Variants in ADGRG2 observed in about 807,000 individuals in gnomAD.
The protein encoded by ADGRG2 is G protein-coupled receptor 64.
ADGRG2 carries 26 observed loss-of-function variants against 74.1 expected under a neutral mutation model. That is an observed-to-expected ratio of 0.35 (90% CI 0.26 to 0.49). The LOEUF is 0.49. Ranked by LOEUF, ADGRG2 falls within the 20% of genes least tolerant of loss-of-function variation. The pLI is 0.99. For missense variants in ADGRG2, 619 were observed against 763.1 expected (o/e 0.81, Z 2.22); for synonymous variants, 296 against 295.2 (o/e 1.00, Z -0.03).
At chrX:19,105,267 T>C (rs1396256703) in intron 1 of ADGRG2, among the ~76,000 whole-genome samples, 1 of 111,973 alleles carries the variant, frequency 8.9e-6, no homozygotes, top group Non-Finnish European at 1.9e-5. Flanking sequence ...TGTCTATGTA[T>C]ATTTTTTAAA....
intron 24 of ADGRG2, 93 bp from the exon 25 acceptor site, chrX:19,000,053 G>A (rs1201597195): frequency 6.3e-6 from 3 of 472,480 alleles, no homozygotes; most frequent in Non-Finnish European, 1.1e-5. Flanking sequence ...GAGTGCAGTG[G>A]TGCGATCTCG....
At chrX:19,003,195 G>C in intron 23 of ADGRG2, 81 bp from the exon 24 acceptor site, 1 of 735,029 alleles carries the variant, frequency 1.4e-6, no homozygotes. Flanking sequence ...GATAAGGTCT[G>C]GCTCTGTCAC....
rs966637237 is a variant in ADGRG2 at position 18,996,645 on chromosome X, C to G, written c.2615-493G>C. Among the ~76,000 whole-genome samples the G allele has an allele frequency of 4.6e-5, 5 of 109,196 alleles. No individual in the cohort carries two copies. The Admixed American group carries it at 5.0e-4, about 11-fold the overall frequency. The allele number at this position is 109,196 out of a possible 115,157, so 94.8% of individuals were successfully genotyped here. A position where few individuals can be genotyped will look rare whatever the true frequency, so the allele number is the denominator to read the frequency against. Reference sequence around the variant, plus strand: ...TTGGATCTCTCTCTCCCCCTCAAACCCAGGCAGTACAGCAATGCACTCACC... The same window carrying G: ...TTGGATCTCTCTCTCCCCCTCAAACGCAGGCAGTACAGCAATGCACTCACC... On this transcript the variant is annotated intron_variant, in intron 26 of 28. Coordinates refer to ENST00000379869, the MANE Select transcript of ADGRG2 (RefSeq NM_001079858.3).
chrX:19,112,994 A>C (rs1385420977), intron 1 of ADGRG2, among the ~76,000 whole-genome samples: 2 of 107,651 alleles, frequency 1.9e-5, no homozygotes, highest in African/African-American at 6.8e-5. Context: ...AAACCAAAAA[A>C]AAAAAAAAAA....
At chrX:19,056,133 A>G (rs1233944017) in intron 3 of ADGRG2, among the ~76,000 whole-genome samples, 1 of 111,297 alleles carries the variant, frequency 9.0e-6, no homozygotes, top group Non-Finnish European at 1.9e-5. Flanking sequence ...TCTAACTACA[A>G]GGGAGGTTGG....
At chrX:19,115,735 T>C (rs1226754660) in intron 1 of ADGRG2, among the ~76,000 whole-genome samples, 1 of 110,639 alleles carries the variant, frequency 9.0e-6, no homozygotes, top group Non-Finnish European at 1.9e-5. Context: ...GGCAGGAGGA[T>C]CACTTGAGGC....
At chrX:19,019,778 A>G in intron 14 of ADGRG2, 113 bp from the exon 15 acceptor site, 1 of 473,187 alleles carries the variant, frequency 2.1e-6, no homozygotes, top group East Asian at 3.5e-5. Context: ...TAAAAGAGCA[A>G]TTGTCTAAAA....
intron 3 of ADGRG2, among the ~76,000 whole-genome samples, chrX:19,066,967 A>T (rs1172611352): frequency 8.9e-6 from 1 of 111,872 alleles, no homozygotes; most frequent in South Asian, 3.7e-4. Flanking sequence ...AAGTAGATAC[A>T]TTTAAAAACA....
chrX:19,106,913 C>T (rs867554318), intron 1 of ADGRG2, among the ~76,000 whole-genome samples: 90 of 105,990 alleles, frequency 8.5e-4, no homozygotes, highest in African/African-American at 3.2e-3. Flanking sequence ...GAGTGAGACT[C>T]TGTCTCAAAA....
chrX:19,106,518 G>A (rs2062296304), intron 1 of ADGRG2, among the ~76,000 whole-genome samples: 2 of 107,601 alleles, frequency 1.9e-5, no homozygotes, highest in Non-Finnish European at 3.8e-5. Context: ...TGTGTGTTTC[G>A]GTTTGGCGTG....
intron 14 of ADGRG2, 100 bp from the exon 15 acceptor site, chrX:19,019,765 A>G: frequency 2.0e-6 from 1 of 490,121 alleles, no homozygotes. Context: ...CCTACACTGC[A>G]TTTAAAAGAG....
chrX:19,039,969 T>C (rs780077688), intron 4 of ADGRG2, among the ~76,000 whole-genome samples: 8 of 112,218 alleles, frequency 7.1e-5, no homozygotes, highest in African/African-American at 2.6e-4. Flanking sequence ...TTTAGTCCCC[T>C]GTGATTTGTT....
At chrX:19,061,843 G>C (rs977346743) in intron 3 of ADGRG2, among the ~76,000 whole-genome samples, 1 of 111,869 alleles carries the variant, frequency 8.9e-6, no homozygotes, top group Non-Finnish European at 1.9e-5. Context: ...TGGCAGCAGG[G>C]AGAAGGGGCC....
chrX:19,026,620 C>T (rs1314524788), intron 11 of ADGRG2, among the ~76,000 whole-genome samples: 1 of 110,171 alleles, frequency 9.1e-6, no homozygotes, highest in Non-Finnish European at 1.9e-5. Context: ...CTCAGCCTCC[C>T]GAGTAGCTGG....
chrX:19,020,796 T>C (rs973819728), intron 14 of ADGRG2, among the ~76,000 whole-genome samples: 1 of 110,159 alleles, frequency 9.1e-6, no homozygotes, highest in Non-Finnish European at 1.9e-5. Flanking sequence ...ACTTCATCTC[T>C]ATTAAAAATG....
Position 18,999,231 on chromosome X carries a change from A to G in ADGRG2, c.2379T>C (p.Tyr793=). The change falls in exon 26 of 29, where the codon TAT becomes TAC. Residue 793 remains tyrosine (Y), a synonymous_variant. Transcript: ENST00000379869. ...CGTTCAGCAAAAATATCACACAGAA[A>G]TATCCCACCACCGTAATGTAGAATA... is the stretch of plus-strand genomic sequence containing the variant. The part of the protein sequence containing the change: ...NAVFYITVVG[Y]FCVIFLLNVS... The G allele has an allele frequency of 8.3e-7, 1 of 1,207,702 alleles. No homozygotes were observed.
In ADGRG2 at chrX:19,087,160, T is replaced by C. The variant is rs191292302; in HGVS notation, c.-46-4414A>G. On this transcript the variant is annotated intron_variant, in intron 1 of 28. Transcript: ENST00000379869. ...GATCAGACCCTGCCTAATAGGACCC[T>C]GACCTTCACAGACTGGTTTGTTCAG... is the stretch of plus-strand genomic sequence containing the variant. Among the ~76,000 whole-genome samples, 407 of 112,209 alleles carry C rather than the reference T, an allele frequency of 3.6e-3. 2 individuals carry two copies. The highest frequency in any genetic ancestry group is 0.013 in the African/African-American group (390 of 30,915).
intron 3 of ADGRG2, among the ~76,000 whole-genome samples, chrX:19,049,985 A>G (rs1040628718): frequency 9.0e-6 from 1 of 111,047 alleles, no homozygotes; most frequent in Non-Finnish European, 1.9e-5. Context: ...AGTTTTTCCA[A>G]TTTCCCTTAG....
intron 28 of ADGRG2, among the ~76,000 whole-genome samples, chrX:18,994,628 A>G (rs1018169119): frequency 1.8e-5 from 2 of 112,454 alleles, no homozygotes; most frequent in Non-Finnish European, 3.7e-5. Context: ...TAGTTAAGTG[A>G]GGATTTAAAA....
Sources: gnomAD v4.1 joint callset for allele counts (sites outside exome capture counted in the v4.1 genomes callset) on GRCh38, gnomAD v4.1.1 for gene constraint, MANE v1.5 for transcripts, NCBI Gene and HGNC (gene_info 2026-07-23, HGNC 2026-07-21) for gene names.